Variants in PRAG1 observed in about 807,000 individuals in gnomAD.
The protein encoded by PRAG1 is inactive tyrosine-protein kinase PRAG1.
In PRAG1, 110 loss-of-function variants were observed where a neutral mutation model predicts 95.6. That is an observed-to-expected ratio of 1.15 (90% CI 0.99 to 1.35). The LOEUF is 1.35. PRAG1 is among the 40% of genes most tolerant of loss of function. The pLI, the probability that PRAG1 is intolerant of heterozygous loss-of-function variation, is 0.00. For missense variants in PRAG1, 2,554 were observed against 1,864.7 expected, an observed-to-expected ratio of 1.37 and a Z score of -6.81; for synonymous variants, 1,052 against 819.4, an observed-to-expected ratio of 1.28 and a Z score of -4.85.
intron 4 of PRAG1, among the ~76,000 whole-genome samples, chr8:8,336,907 TTCC>T (rs1185582002): frequency 8.5e-5 from 2 of 23,510 alleles, no homozygotes; most frequent in African/African-American, 4.6e-4. Flanking sequence ...CCACACCCCT[TTCC>T]CCCCTCCCCC....
chr8:8,361,421 A>G lies in PRAG1; in HGVS notation c.2162+14826T>C, dbSNP rs543388702. Among the ~76,000 whole-genome samples the G allele has an allele frequency of 1.4e-4, 22 of 152,276 alleles. No homozygotes were observed. In the South Asian group the frequency reaches 4.4e-3, roughly 30 times the overall value. On this transcript the variant is annotated intron_variant, in intron 3 of 5. Coordinates refer to ENST00000615670, the MANE Select transcript of PRAG1 (RefSeq NM_001080826.3). ...TGGGATCGGGTCCGGAAGGGGGTAC[A>G]GGGCAGCAGCAGCTGCCTGGGGAGG...
At chr8:8,378,839 G>A (rs182644879) in intron 2 of PRAG1, among the ~76,000 whole-genome samples, 17 of 149,376 alleles carry the variant, frequency 1.1e-4, no homozygotes, top group Admixed American at 4.7e-4. Flanking sequence ...CAGCCTGGGC[G>A]ACAATGCCAG....
intron 3 of PRAG1, among the ~76,000 whole-genome samples, chr8:8,375,406 G>A (rs1483334673): frequency 2.0e-5 from 3 of 151,942 alleles, no homozygotes; most frequent in African/African-American, 7.3e-5. Flanking sequence ...GTTTCACTGT[G>A]TTAGCCAGGA....
At chr8:8,370,112 A>C (rs1011941511) in intron 3 of PRAG1, among the ~76,000 whole-genome samples, 4 of 152,250 alleles carry the variant, frequency 2.6e-5, no homozygotes, top group Non-Finnish European at 5.9e-5. Flanking sequence ...AATTAGACAG[A>C]AAGTCTTAAA....
At chr8:8,375,502 A>AT (rs779453087) in intron 3 of PRAG1, among the ~76,000 whole-genome samples, 19 of 150,736 alleles carry the variant, frequency 1.3e-4, no homozygotes, top group Non-Finnish European at 2.1e-4. Context: ...GCCCAGCCCC[A>AT]TTTTTTTCTT....
chr8:8,371,259 GA>G (rs2116918586), intron 3 of PRAG1, among the ~76,000 whole-genome samples: 2 of 151,872 alleles, frequency 1.3e-5, no homozygotes, highest in East Asian at 2.0e-4. Flanking sequence ...TCAATTGAGC[GA>G]AAACTTTCTT....
intron 3 of PRAG1, among the ~76,000 whole-genome samples, chr8:8,362,434 G>A (rs955209662): frequency 6.6e-6 from 1 of 152,208 alleles, no homozygotes; most frequent in Admixed American, 6.5e-5. Context: ...TGCCACAGCA[G>A]TGCAAGCCTG....
At chr8:8,373,150 C>T (rs1266018900) in intron 3 of PRAG1, among the ~76,000 whole-genome samples, 3 of 152,088 alleles carry the variant, frequency 2.0e-5, no homozygotes, top group African/African-American at 7.2e-5. Context: ...GAATTGGTGC[C>T]GGATCAACTG....
intron 5 of PRAG1, among the ~76,000 whole-genome samples, chr8:8,321,350 G>T (rs981918454): frequency 6.6e-6 from 1 of 152,240 alleles, no homozygotes; most frequent in Admixed American, 6.5e-5. Flanking sequence ...CTCCCAAAGT[G>T]CTGGGATTAC....
At chr8:8,335,937 T>A (rs1798970066) in intron 4 of PRAG1, among the ~76,000 whole-genome samples, 1 of 152,194 alleles carries the variant, frequency 6.6e-6, no homozygotes, top group Non-Finnish European at 1.5e-5. Flanking sequence ...TGCATTAATA[T>A]GCATTTCTTA....
rs759186766 is a variant in PRAG1 at position 8,318,456 on chromosome 8, G to A, written c.3919C>T (p.Leu1307=). Residue 1307 remains leucine (L), a synonymous_variant, in exon 6 of 6, where the codon CTA becomes TTA. Coordinates refer to ENST00000615670, the MANE Select transcript of PRAG1 (RefSeq NM_001080826.3). This position sits in a 1 kb window ranked among gnomAD's most constrained non-coding sequence, Gnocchi z 4.2. The part of the protein sequence containing the change: ...SPGLQQLAHL[L]LEADPIKRIR... ...CGCTTGATGGGGTCGGCCTCCAGTA[G>A]CAGATGTGCCAGCTGCTGCAGGCCG... The A allele has an allele frequency of 1.9e-6, 3 of 1,612,378 alleles. No homozygotes were observed. The highest frequency in any genetic ancestry group is 1.7e-6 in the Non-Finnish European group (2 of 1,179,802).
At chr8:8,341,772 G>A (rs1321636467) in intron 3 of PRAG1, among the ~76,000 whole-genome samples, 2 of 152,150 alleles carry the variant, frequency 1.3e-5, no homozygotes, top group Non-Finnish European at 2.9e-5. Context: ...TTCAAATAGA[G>A]GCTAGCCCAT....
Position 8,377,416 on chromosome 8 carries a change from G to A in PRAG1, c.993C>T (p.Thr331=), listed in dbSNP as rs1165466828. Residue 331 remains threonine, a synonymous_variant, in exon 3 of 6, where the codon ACC becomes ACT. Coordinates refer to ENST00000615670, the MANE Select transcript of PRAG1 (RefSeq NM_001080826.3). ...CGTCGGAAGAAATGGCAGCCTCCGA[G>A]GTGAGGGACAGTTTCTTGGGGCCCA... ...SCLGPKKLSL[T]SEAAISSDGL... The A allele has an allele frequency of 7.0e-6, 11 of 1,569,652 alleles. No individual in the cohort carries two copies. In the South Asian group the frequency reaches 1.2e-4, roughly 17 times the overall value.
At chr8:8,319,946 C>A (rs969397553) in intron 5 of PRAG1, among the ~76,000 whole-genome samples, 1 of 152,170 alleles carries the variant, frequency 6.6e-6, no homozygotes, top group East Asian at 1.9e-4. Context: ...TTCCAAGTGT[C>A]TATGAGGATG....
intron 3 of PRAG1, among the ~76,000 whole-genome samples, chr8:8,362,047 C>G (rs528172415): frequency 6.6e-6 from 1 of 152,350 alleles, no homozygotes; most frequent in East Asian, 1.9e-4. Context: ...CCTAACCTCA[C>G]GCACTTGAGG....
intron 3 of PRAG1, among the ~76,000 whole-genome samples, chr8:8,366,016 G>T (rs1799991050): frequency 6.6e-6 from 1 of 151,928 alleles, no homozygotes; most frequent in Non-Finnish European, 1.5e-5. Context: ...ATAAGGCTAA[G>T]TGAAAACACA....
chr8:8,340,086 A>G (rs976643771), intron 3 of PRAG1, among the ~76,000 whole-genome samples: 1 of 152,134 alleles, frequency 6.6e-6, no homozygotes, highest in African/African-American at 2.4e-5. Flanking sequence ...TACAAGTGGG[A>G]TTTCTTTTTT....
chr8:8,321,384 C>T (rs1798467722), intron 5 of PRAG1, among the ~76,000 whole-genome samples: 1 of 152,202 alleles, frequency 6.6e-6, no homozygotes, highest in Non-Finnish European at 1.5e-5. Context: ...GGTGCCTGGC[C>T]TGCACTTGGT....
chr8:8,381,414 T>A lies in PRAG1; in HGVS notation c.330+4A>T. On this transcript the variant is annotated splice_donor_region_variant and intron_variant, in intron 2 of 5. Coordinates refer to ENST00000615670, the MANE Select transcript of PRAG1 (RefSeq NM_001080826.3). ...AAAATACCACGAGTGTTAGTCAGCCTCACCTGCGAGACTTCGGCACTCAGG... is the reference window on the plus strand; with the variant it reads ...AAAATACCACGAGTGTTAGTCAGCCACACCTGCGAGACTTCGGCACTCAGG... 6.2e-7 allele frequency: 1 copy of A among 1,601,238 alleles called. No individual in the cohort carries two copies. The highest frequency in any genetic ancestry group is 1.3e-5 in the African/African-American group (1 of 74,804).
Sources: allele counts gnomAD v4.1 joint callset (sites outside exome capture counted in the v4.1 genomes callset), GRCh38; gene constraint gnomAD v4.1.1; non-coding constraint Gnocchi (gnomAD v3.1); transcripts MANE v1.5; gene names NCBI Gene and HGNC (gene_info 2026-07-23, HGNC 2026-07-21).